The following SLC7A4 variants were observed in gnomAD, a reference collection of about 807,000 sequenced individuals.
SLC7A4 encodes cationic amino acid transporter 4.
SLC7A4 carries 30 observed loss-of-function variants against 37.8 expected under a neutral mutation model. The observed-to-expected ratio is 0.79, with a 90% CI of 0.59 to 1.08. SLC7A4 has a LOEUF of 1.08. SLC7A4 is among the 50% of genes least tolerant of loss of function. The probability of loss-of-function intolerance (pLI) is 0.00; values close to 1 mark genes in which losing one functional copy is unlikely to be tolerated. For synonymous variants in SLC7A4, 359 were observed against 376.5 expected (o/e 0.95, Z 0.54); for missense variants, 839 against 843.2 (o/e 1.00, Z 0.06).
In SLC7A4 at chr22:21,028,831, C is replaced by A. The variant is rs1255470867; in HGVS notation, c.*224G>T. On this transcript the variant is annotated 3_prime_UTR_variant, in exon 5 of 5. Transcript: ENST00000382932. ...CCAGGTAGCTGGAGCTGATCATAAA[C>A]AAGAAGGCTCTGGGCAGAGTCCATG... 1 of 469,034 alleles carries A rather than the reference C, an allele frequency of 2.1e-6. No individual in the cohort carries two copies. The highest frequency in any genetic ancestry group is 3.7e-6 in the Non-Finnish European group (1 of 267,066). 29.1% of individuals were successfully genotyped at this position (469,034 alleles called of 1,614,324 possible). A position where few individuals can be genotyped will look rare whatever the true frequency, so the allele number is the denominator to read the frequency against.
intron 3 of SLC7A4, 113 bp downstream of exon 3, chr22:21,029,598 G>T: frequency 8.3e-7 from 1 of 1,208,428 alleles, no homozygotes; most frequent in Non-Finnish European, 1.2e-6. Context: ...GGTGCGGGAT[G>T]GGTGTGTGGT....
At position 21,031,820 on chromosome 22, in the gene SLC7A4, G is replaced by T; in HGVS notation, c.-8C>A. On this transcript the variant is annotated 5_prime_UTR_variant, in exon 2 of 5. Coordinates refer to ENST00000382932, the MANE Select transcript of SLC7A4 (RefSeq NM_004173.3). ...GGGCAGCCCCCGGGCCATGGCAGGT[G>T]GCCGAGAAGAGCACCGAGCCAGCTA... 1 of 1,484,648 alleles carries T rather than the reference G, an allele frequency of 6.7e-7. No homozygotes were observed. The allele number at this position is 1,484,648 out of a possible 1,614,324, so 92.0% of individuals were successfully genotyped here.
At chr22:21,029,256 G>A (rs1928791828) in intron 4 of SLC7A4, 26 bp from the exon 5 acceptor site, 1 of 1,613,066 alleles carries the variant, frequency 6.2e-7, no homozygotes, top group Admixed American at 1.7e-5. Context: ...GGCAGGGCAT[G>A]AGCCTGAGGT....
At chr22:21,029,622 G>T (rs185459957) in intron 3 of SLC7A4, 89 bp downstream of exon 3, 2 of 1,422,262 alleles carry the variant, frequency 1.4e-6, no homozygotes, top group South Asian at 1.3e-5. Context: ...CCCCAGCCCC[G>T]TGAGACTTGT....
At chr22:21,029,529 G>C (rs1473716839) in intron 3 of SLC7A4, 85 bp from the exon 4 acceptor site, 7 of 1,263,220 alleles carry the variant, frequency 5.5e-6, no homozygotes, top group Non-Finnish European at 6.9e-6. Flanking sequence ...GGAATCCATA[G>C]AGCCTTTGTT....
rs149158975 is a variant in SLC7A4, at chr22:21,030,902, G to T, written c.911C>A (p.Ala304Glu). The T allele has an allele frequency of 2.6e-3, 4,235 of 1,613,640 alleles. 21 individuals carry two copies. Among genetic ancestry groups the T allele is most frequent in the Middle Eastern group, 4.5e-3 (27 of 6,062 alleles). ...VPWHSLDPDSALADAFYQRGY... is the reference protein window; with the variant it reads ...VPWHSLDPDSELADAFYQRGY... ...CCGCTGGTAGAAGGCATCTGCAAGC[G>T]CTGAGTCGGGGTCCAGGCTGTGCCA... is the stretch of plus-strand genomic sequence containing the variant. The change falls in exon 2 of 5, where the codon GCG becomes GAG. Residue 304 changes from alanine to glutamate, a missense_variant. Physicochemically the swap from Ala to Glu is moderately radical, Grantham distance 107. Coordinates refer to ENST00000382932, the MANE Select transcript of SLC7A4 (RefSeq NM_004173.3).
In SLC7A4 at chr22:21,030,224, G is replaced by T. The variant is rs763590991; in HGVS notation, c.1110C>A (p.Gly370=). The T allele has an allele frequency of 3.7e-6, 6 of 1,613,402 alleles. No homozygotes were observed. In the South Asian group the frequency reaches 6.6e-5, roughly 18 times the overall value. ...CCGTGAGGAGCCCGAACGCCAGGGT[G>T]CCCGCCACAGGCACCTGTGTCCGGG... ...VHPRTQVPVA[G]TLAFGLLTAF... Residue 370 remains glycine, a synonymous_variant, in exon 3 of 5, where the codon GGC becomes GGA. Coordinates refer to ENST00000382932, the MANE Select transcript of SLC7A4 (RefSeq NM_004173.3).
intron 2 of SLC7A4, among the ~76,000 whole-genome samples, chr22:21,030,592 A>G (rs1285853423): frequency 6.6e-6 from 1 of 152,158 alleles, no homozygotes; most frequent in African/African-American, 2.4e-5. Flanking sequence ...TCTGCCTAGG[A>G]AATAATCTAT....
chr22:21,031,021 T>C lies in SLC7A4; in HGVS notation c.792A>G (p.Pro264=). ...IAASSEEAQN[P]RRSVPLAIAI... is the part of the protein sequence containing the mutation. ...CGATGGCCAGAGGCACAGACCGCCGTGGGTTCTGGGCCTCCTCACTGGAGG... is the reference window on the plus strand; with the variant it reads ...CGATGGCCAGAGGCACAGACCGCCGCGGGTTCTGGGCCTCCTCACTGGAGG... Residue 264 remains proline (P), a synonymous_variant, in exon 2 of 5, where the codon CCA becomes CCG. Transcript: ENST00000382932. 1 of 1,613,964 alleles carries C rather than the reference T, an allele frequency of 6.2e-7. No homozygotes were observed. Among genetic ancestry groups the C allele is most frequent in the Non-Finnish European group, 8.5e-7 (1 of 1,179,976 alleles).
intron 3 of SLC7A4, 57 bp downstream of exon 3, chr22:21,029,654 G>A: frequency 6.5e-7 from 1 of 1,547,956 alleles, no homozygotes; most frequent in Admixed American, 1.7e-5. Flanking sequence ...TGGTAGTGGG[G>A]GAAGGGGAGG....
At chr22:21,029,593 G>A (rs1330530202) in intron 3 of SLC7A4, 118 bp downstream of exon 3, 13 of 1,191,648 alleles carry the variant, frequency 1.1e-5, no homozygotes, top group South Asian at 5.5e-5. Context: ...AAAGGGGTGC[G>A]GGATGGGTGT....
chr22:21,030,525 C>T (rs1601791688), intron 2 of SLC7A4, among the ~76,000 whole-genome samples, 174 bp from the exon 3 acceptor site: 1 of 152,076 alleles, frequency 6.6e-6, no homozygotes, highest in Admixed American at 6.5e-5. Flanking sequence ...TGCCCAAGAA[C>T]AGGACATCTG....
rs746697239 is a variant in SLC7A4, at chr22:21,029,795, C to T, written c.1539G>A (p.Leu513=). 6.2e-6 allele frequency: 10 copies of T among 1,613,488 alleles called. No homozygotes were observed. The South Asian group carries it at 1.1e-4, about 18-fold the overall frequency. ...LHLPHWGYIL[L]LLLTSVMFLL... ...GAAACATGACACTGGTGAGCAGGAG[C>T]AGCAGGATGTAACCCCAGTGTGGGA... The change falls in exon 3 of 5, where the codon CTG becomes CTA. Residue 513 remains leucine (L), a synonymous_variant. Transcript: ENST00000382932.
Position 21,031,776 on chromosome 22 carries a change from G to A in SLC7A4, c.37C>T (p.Arg13Cys), listed in dbSNP as rs780790248. 5.2e-6 allele frequency: 8 copies of A among 1,541,634 alleles called. No homozygotes were observed. Among genetic ancestry groups the A allele is most frequent in the South Asian group, 3.7e-5 (3 of 80,588 alleles). ...AGGCGGTTCAGCTTCTGGCATAAGC[G>A]TGCCAGGCTAGCAATGGTGGGCAGC... ...RGLPTIASLA[R>C]LCQKLNRLKP... Residue 13 changes from arginine to cysteine, a missense_variant, in exon 2 of 5, where the codon CGC becomes TGC. By Grantham distance (180) the Arg-to-Cys change is radical. Transcript: ENST00000382932.
chr22:21,031,051 A>T lies in SLC7A4; in HGVS notation c.762T>A (p.Ile254=). The part of the protein sequence containing the change: ...CFYAFVGFDV[I]AASSEEAQNP... ...TCTGGGCCTCCTCACTGGAGGCGGCAATGACGTCGAAGCCCACGAAAGCAT... is the reference window on the plus strand; with the variant it reads ...TCTGGGCCTCCTCACTGGAGGCGGCTATGACGTCGAAGCCCACGAAAGCAT... Residue 254 remains isoleucine, a synonymous_variant, in exon 2 of 5, where the codon ATT becomes ATA. Transcript: ENST00000382932. The T allele has an allele frequency of 1.9e-6, 3 of 1,614,134 alleles. No homozygotes were observed. The South Asian group carries it at 3.3e-5, about 18-fold the overall frequency.
intron 1 of SLC7A4, among the ~76,000 whole-genome samples, chr22:21,032,284 C>T (rs1427475416): frequency 1.3e-5 from 2 of 152,186 alleles, no homozygotes; most frequent in African/African-American, 4.8e-5. Flanking sequence ...CAGGCAGCCA[C>T]CTGGCCACAG....
rs958256856 is a variant in SLC7A4, at chr22:21,030,760, T to G, written c.982+71A>C. ...AAAACAGCCCCAGTTGAAGGTGCATTCCCCAAGAATCTGAGGACAAGGTCC... is the reference window on the plus strand; with the variant it reads ...AAAACAGCCCCAGTTGAAGGTGCATGCCCCAAGAATCTGAGGACAAGGTCC... On this transcript the variant is annotated intron_variant, in intron 2 of 4. Transcript: ENST00000382932. The G allele has an allele frequency of 8.8e-6, 13 of 1,482,932 alleles. No homozygotes were observed. In the African/African-American group the frequency reaches 1.5e-4, roughly 18 times the overall value. 91.9% of individuals were successfully genotyped at this position (1,482,932 alleles called of 1,614,324 possible).
intron 2 of SLC7A4, 47 bp from the exon 3 acceptor site, chr22:21,030,398 C>G: frequency 1.3e-6 from 2 of 1,549,440 alleles, no homozygotes; most frequent in Non-Finnish European, 1.7e-6. Context: ...AGAAGCCCAC[C>G]AGGGGCCTCT....
At chr22:21,029,557 G>A in intron 3 of SLC7A4, 113 bp from the exon 4 acceptor site, 1 of 1,154,902 alleles carries the variant, frequency 8.7e-7, no homozygotes, top group South Asian at 1.3e-5. Flanking sequence ...GGAGATTGTG[G>A]AGACATGTGC....
Sources: allele counts gnomAD v4.1 joint callset (sites outside exome capture counted in the v4.1 genomes callset), GRCh38; gene constraint gnomAD v4.1.1; transcripts MANE v1.5; gene names NCBI Gene and HGNC (gene_info 2026-07-23, HGNC 2026-07-21).